Variants in ZBTB7C observed in about 807,000 individuals in gnomAD.
The protein encoded by ZBTB7C is zinc finger and BTB domain-containing protein 7C.
A neutral mutation model predicts 25.7 loss-of-function variants in ZBTB7C; 8 were observed. That is an observed-to-expected ratio of 0.31 (90% CI 0.18 to 0.56). ZBTB7C has a LOEUF of 0.56. Ranked by LOEUF, ZBTB7C falls within the 20% of genes least tolerant of loss-of-function variation. ZBTB7C has a pLI of 0.91. For synonymous variants in ZBTB7C, 394 were observed against 369.0 expected (o/e 1.07, Z -0.78); for missense variants, 824 against 855.2 (o/e 0.96, Z 0.46).
chr18:48,371,893 G>A (rs974822810), intron 1 of ZBTB7C, among the ~76,000 whole-genome samples: 15 of 152,108 alleles, frequency 9.9e-5, no homozygotes, highest in African/African-American at 3.1e-4. Context: ...GGCTCCAATC[G>A]CCAGCTGATC....
At chr18:48,398,255 C>CT (rs2145298136) in intron 1 of ZBTB7C, among the ~76,000 whole-genome samples, 1 of 152,380 alleles carries the variant, frequency 6.6e-6, no homozygotes, top group East Asian at 1.9e-4. Context: ...ACAGCCCCCT[C>CT]TGTCCACAGG....
At chr18:48,360,741 AG>A (rs2047085282) in intron 1 of ZBTB7C, among the ~76,000 whole-genome samples, 1 of 152,116 alleles carries the variant, frequency 6.6e-6, no homozygotes, top group Admixed American at 6.5e-5. Context: ...TGTGAGGGGA[AG>A]GAAGAGTGTG....
At chr18:48,300,122 G>A (rs760379752) in intron 2 of ZBTB7C, among the ~76,000 whole-genome samples, 1 of 152,248 alleles carries the variant, frequency 6.6e-6, no homozygotes, top group Non-Finnish European at 1.5e-5. Flanking sequence ...GCCCAGGAGC[G>A]GAGGTTCTAA....
At chr18:48,101,959 A>C (rs1270956108) in intron 3 of ZBTB7C, among the ~76,000 whole-genome samples, 6 of 152,208 alleles carry the variant, frequency 3.9e-5, no homozygotes, top group Non-Finnish European at 1.5e-5. Flanking sequence ...ATCCTTCTTA[A>C]ATAAGTAGAC....
At chr18:48,221,766 A>C (rs1242808020) in intron 2 of ZBTB7C, among the ~76,000 whole-genome samples, 2 of 149,152 alleles carry the variant, frequency 1.3e-5, no homozygotes, top group East Asian at 4.1e-4. Flanking sequence ...TGTCTCCTCT[A>C]TACTGTCCCA....
chr18:48,398,539 C>T (rs1157252572), intron 1 of ZBTB7C, among the ~76,000 whole-genome samples: 1 of 152,136 alleles, frequency 6.6e-6, no homozygotes, highest in Non-Finnish European at 1.5e-5. Context: ...GTCAAAGGGC[C>T]CAATACGACC....
At chr18:48,336,502 C>T (rs1299964364) in intron 2 of ZBTB7C, among the ~76,000 whole-genome samples, 8 of 152,190 alleles carry the variant, frequency 5.3e-5, no homozygotes, top group African/African-American at 1.9e-4. Context: ...AGCTTGAAGC[C>T]TCCAGAGGCC....
At chr18:48,167,597 TGCGCGC>T (rs1555705445) in intron 3 of ZBTB7C, among the ~76,000 whole-genome samples, 16 of 148,160 alleles carry the variant, frequency 1.1e-4, no homozygotes, top group African/African-American at 3.5e-4. Flanking sequence ...TGTGTGTGTG[TGCGCGC>T]GTGCACACGC....
chr18:48,321,290 G>A (rs915984832), intron 2 of ZBTB7C, among the ~76,000 whole-genome samples: 1 of 152,160 alleles, frequency 6.6e-6, no homozygotes, highest in East Asian at 1.9e-4. Context: ...ACAAAGCCCT[G>A]GCTGGTGCAT....
intron 2 of ZBTB7C, among the ~76,000 whole-genome samples, chr18:48,309,629 TC>T (rs977033489): frequency 6.6e-6 from 1 of 152,166 alleles, no homozygotes; most frequent in Non-Finnish European, 1.5e-5. Flanking sequence ...ATGTCTACTA[TC>T]CCCATAGCTA....
chr18:48,192,526 C>T (rs185896547), intron 2 of ZBTB7C, among the ~76,000 whole-genome samples: 150 of 152,282 alleles, frequency 9.9e-4, no homozygotes, highest in Non-Finnish European at 6.2e-4. Context: ...TGCAGTGGTG[C>T]GATCTTGGCT....
At chr18:48,219,310 A>G (rs2042897631) in intron 2 of ZBTB7C, among the ~76,000 whole-genome samples, 1 of 152,184 alleles carries the variant, frequency 6.6e-6, no homozygotes, top group Non-Finnish European at 1.5e-5. Flanking sequence ...CCCTCCTAGC[A>G]AAATCTGGCC....
At chr18:48,252,990 T>G (rs1446241633) in intron 2 of ZBTB7C, among the ~76,000 whole-genome samples, 1 of 152,148 alleles carries the variant, frequency 6.6e-6, no homozygotes, top group African/African-American at 2.4e-5. Context: ...GACATACATA[T>G]ACAAAGTCAA....
intron 3 of ZBTB7C, among the ~76,000 whole-genome samples, chr18:48,124,135 T>A (rs2039721884): frequency 6.6e-6 from 1 of 152,226 alleles, no homozygotes; most frequent in Non-Finnish European, 1.5e-5. Context: ...GCCCCTTTAA[T>A]TGGCATCAGT....
intron 2 of ZBTB7C, among the ~76,000 whole-genome samples, chr18:48,270,950 T>G (rs547986021): frequency 4.1e-4 from 63 of 152,172 alleles, no homozygotes; most frequent in African/African-American, 1.4e-3. Flanking sequence ...ACAGTAGATA[T>G]TTCTTAAATC....
intron 1 of ZBTB7C, among the ~76,000 whole-genome samples, chr18:48,367,371 T>TATATAA (rs34753129): frequency 0.024 from 2,727 of 113,354 alleles, 74 homozygotes; most frequent in East Asian, 0.049. Flanking sequence ...TATATATATA[T>TATATAA]AAAATACAAA....
chr18:48,253,327 G>C (rs2043924949), intron 2 of ZBTB7C, among the ~76,000 whole-genome samples: 1 of 152,172 alleles, frequency 6.6e-6, no homozygotes, highest in African/African-American at 2.4e-5. Context: ...GCAGCTTTCA[G>C]CCAAGGTAGA....
intron 2 of ZBTB7C, among the ~76,000 whole-genome samples, chr18:48,225,004 A>G (rs568404384): frequency 1.3e-5 from 2 of 152,344 alleles, no homozygotes; most frequent in South Asian, 4.1e-4. Context: ...ATATCAATTC[A>G]TCAATTGGTT....
At chr18:48,228,741 T>TCACA (rs1223661928) in intron 2 of ZBTB7C, among the ~76,000 whole-genome samples, 5 of 66,230 alleles carry the variant, frequency 7.5e-5, no homozygotes, top group Non-Finnish European at 1.2e-4. Context: ...TGTCTCTCTC[T>TCACA]CTCTCTCACA....
Sources: allele counts gnomAD v4.1 joint callset (sites outside exome capture counted in the v4.1 genomes callset), GRCh38; gene constraint gnomAD v4.1.1; transcripts MANE v1.5; gene names NCBI Gene and HGNC (gene_info 2026-07-23, HGNC 2026-07-21).